The following SLC35F3 variants were observed in gnomAD, a reference collection of about 807,000 sequenced individuals.
SLC35F3 encodes the protein putative thiamine transporter SLC35F3.
A neutral mutation model predicts 49.9 loss-of-function variants in SLC35F3; 25 were observed. That is an observed-to-expected ratio of 0.50 (90% CI 0.37 to 0.70). The LOEUF (loss-of-function observed/expected upper bound fraction) is 0.70, where lower values mean the gene tolerates loss of function less well. Among genes scored for constraint, SLC35F3 ranks in the 30% least tolerant of loss-of-function variants. The pLI, the probability that SLC35F3 is intolerant of heterozygous loss-of-function variation, is 0.00. For synonymous variants in SLC35F3, 275 were observed against 265.4 expected, an observed-to-expected ratio of 1.04 and a Z score of -0.35; for missense variants, 525 against 639.8, an observed-to-expected ratio of 0.82 and a Z score of 1.94.
chr1:234,210,831 A>C (rs1018077349), intron 2 of SLC35F3, among the ~76,000 whole-genome samples: 17 of 152,378 alleles, frequency 1.1e-4, no homozygotes, highest in Non-Finnish European at 2.2e-4. Context: ...AACTGCAGAA[A>C]TTTGCATAAA....
At chr1:234,277,847 CAAAG>C (rs1465081028) in intron 3 of SLC35F3, among the ~76,000 whole-genome samples, 2 of 152,144 alleles carry the variant, frequency 1.3e-5, no homozygotes, top group East Asian at 1.9e-4. Flanking sequence ...AAATGGCTGA[CAAAG>C]AAGTTATTAA....
At chr1:234,139,951 T>TAATAAAATAAAAAAA (rs1553308862) in intron 2 of SLC35F3, among the ~76,000 whole-genome samples, 4 of 90,564 alleles carry the variant, frequency 4.4e-5, no homozygotes, top group Admixed American at 1.2e-4. Context: ...CATCTCAAAA[T>TAATAAAATAAAAAAA]AATAAAATAA....
chr1:233,908,299 A>G (rs572163717), intron 2 of SLC35F3, among the ~76,000 whole-genome samples: 46 of 152,246 alleles, frequency 3.0e-4, no homozygotes, highest in African/African-American at 1.1e-3. Flanking sequence ...CTGTGTCCTA[A>G]CTGAAGGAGT....
chr1:234,078,264 T>C (rs1383142101), intron 2 of SLC35F3, among the ~76,000 whole-genome samples: 1 of 152,138 alleles, frequency 6.6e-6, no homozygotes, highest in Non-Finnish European at 1.5e-5. Context: ...CTTCCTCTTC[T>C]TCCTCCTCCT....
intron 2 of SLC35F3, among the ~76,000 whole-genome samples, chr1:234,184,138 T>TAA (rs869152169): frequency 3.4e-5 from 5 of 147,978 alleles, no homozygotes; most frequent in African/African-American, 1.3e-4. Flanking sequence ...ACAGTTTTTT[T>TAA]AAAAAAAAAA....
chr1:234,093,714 C>T (rs540844656), intron 2 of SLC35F3, among the ~76,000 whole-genome samples: 110 of 152,348 alleles, frequency 7.2e-4, no homozygotes, highest in African/African-American at 2.5e-3. Flanking sequence ...CGGGCCCTGC[C>T]GGGGCATTCT....
chr1:234,099,068 G>A (rs1051488763), intron 2 of SLC35F3, among the ~76,000 whole-genome samples: 4 of 152,214 alleles, frequency 2.6e-5, no homozygotes, highest in Non-Finnish European at 4.4e-5. Context: ...GCAATAAATT[G>A]TTGTTTTCAC....
Position 233,911,272 on chromosome 1 carries a change from C to T in SLC35F3, c.283+5514C>T, listed in dbSNP as rs144578533. On this transcript the variant is annotated intron_variant, in intron 2 of 7. Transcript: ENST00000366618. ...CATGGTGAGCAACTTCTGTCTGATC[C>T]TCCTAAAATAGTAAAGGTCAGGTCA... Among the ~76,000 whole-genome samples the T allele has an allele frequency of 5.2e-4, 79 of 152,200 alleles. 1 individual carries two copies. In the East Asian group the frequency reaches 0.014, roughly 28 times the overall value.
At chr1:234,321,446 T>C (rs977905514) in intron 7 of SLC35F3, among the ~76,000 whole-genome samples, 3 of 152,206 alleles carry the variant, frequency 2.0e-5, no homozygotes, top group African/African-American at 7.2e-5. Flanking sequence ...AGAAAGCACC[T>C]GAGCTCCTGG....
intron 2 of SLC35F3, among the ~76,000 whole-genome samples, chr1:234,155,395 G>GATC (rs113733876): frequency 6.7e-6 from 1 of 149,292 alleles, no homozygotes; most frequent in Non-Finnish European, 1.5e-5. Flanking sequence ...CTATTCACCT[G>GATC]ATTATTATTA....
At chr1:234,005,205 C>T (rs1359838756) in intron 2 of SLC35F3, among the ~76,000 whole-genome samples, 3 of 152,148 alleles carry the variant, frequency 2.0e-5, no homozygotes, top group African/African-American at 4.8e-5. Flanking sequence ...TTTTGCAGAT[C>T]TCTGGGAATG....
intron 2 of SLC35F3, chr1:234,215,231 GTCC>G (rs1219253801): frequency 6.6e-6 from 1 of 152,466 alleles, no homozygotes; most frequent in Non-Finnish European, 1.5e-5. Context: ...CCCAGAAGGT[GTCC>G]TCCTCCCCGT....
chr1:234,137,272 C>A (rs1665825553), intron 2 of SLC35F3, among the ~76,000 whole-genome samples: 1 of 152,174 alleles, frequency 6.6e-6, no homozygotes, highest in Non-Finnish European at 1.5e-5. Context: ...TGAGAAAGAG[C>A]AGTCAGAGAG....
Position 234,318,885 on chromosome 1 carries a change from G to C in SLC35F3, c.1089G>C (p.Trp363Cys). The change falls in exon 6 of 8, where the codon TGG becomes TGC. Residue 363 changes from tryptophan (W) to cysteine (C), a missense_variant. Trp to Cys is a radical substitution (Grantham distance 215). Around this residue, in one of 4 missense-constraint regions of SLC35F3, gnomAD observed 216 missense variants for 298.1 expected, o/e 0.72. Coordinates refer to ENST00000366618, the MANE Select transcript of SLC35F3 (RefSeq NM_173508.4). Reference sequence around the variant, plus strand: ...TCTACTTTACCAAAGTGGAATACTGGAGCTCTTTTGATGACATTCCATGGG... The same window carrying C: ...TCTACTTTACCAAAGTGGAATACTGCAGCTCTTTTGATGACATTCCATGGG... Reference protein sequence around the residue: ...IILYFTKVEYWSSFDDIPWGN... With the variant: ...IILYFTKVEYCSSFDDIPWGN... 6.2e-7 allele frequency: 1 copy of C among 1,614,116 alleles called. No homozygotes were observed. Among genetic ancestry groups the C allele is most frequent in the Non-Finnish European group, 8.5e-7 (1 of 1,180,030 alleles).
At chr1:234,279,856 A>C (rs1384788203) in intron 3 of SLC35F3, among the ~76,000 whole-genome samples, 1 of 152,152 alleles carries the variant, frequency 6.6e-6, no homozygotes, top group Non-Finnish European at 1.5e-5. Context: ...TGCTCCATTC[A>C]TTATGTTTTC....
intron 2 of SLC35F3, among the ~76,000 whole-genome samples, chr1:234,065,832 A>C (rs1261395832): frequency 6.6e-6 from 1 of 152,232 alleles, no homozygotes; most frequent in Non-Finnish European, 1.5e-5. Flanking sequence ...CCATTTAAGA[A>C]AATAAAATGA....
chr1:234,052,562 A>G (rs537496657), intron 2 of SLC35F3, among the ~76,000 whole-genome samples: 6 of 151,358 alleles, frequency 4.0e-5, no homozygotes, highest in Admixed American at 1.3e-4. Flanking sequence ...CGTTCTTTCA[A>G]TTTTGTTGAT....
intron 2 of SLC35F3, among the ~76,000 whole-genome samples, chr1:234,122,752 G>A: frequency 6.6e-6 from 1 of 152,168 alleles, no homozygotes; most frequent in African/African-American, 2.4e-5. Flanking sequence ...TGCTGAGAAT[G>A]ATGGCTTGCA....
At chr1:233,905,178 C>T in intron 1 of SLC35F3, 48 bp downstream of exon 1, 7 of 1,543,594 alleles carry the variant, frequency 4.5e-6, no homozygotes, top group Non-Finnish European at 6.1e-6. Context: ...GGCGGGAGGC[C>T]GGAGCGCCGG....
Sources: allele counts gnomAD v4.1 joint callset (sites outside exome capture counted in the v4.1 genomes callset), GRCh38; gene constraint gnomAD v4.1.1; regional missense constraint gnomAD v4.1.1; transcripts MANE v1.5; gene names NCBI Gene and HGNC (gene_info 2026-07-23, HGNC 2026-07-21).